The following MAGI3 variants were observed in gnomAD, a reference collection of about 807,000 sequenced individuals.
The protein encoded by MAGI3 is membrane-associated guanylate kinase, WW and PDZ domain-containing protein 3.
A neutral mutation model predicts 121.8 loss-of-function variants in MAGI3; 43 were observed. The ratio of observed to expected loss-of-function variants is 0.35; its 90% CI spans 0.28 to 0.46. The LOEUF (loss-of-function observed/expected upper bound fraction) is 0.46, where lower values mean the gene tolerates loss of function less well. MAGI3 is among the 20% of genes least tolerant of loss of function. MAGI3 has a pLI of 1.00. For synonymous variants in MAGI3, 553 were observed against 639.3 expected, an observed-to-expected ratio of 0.86 and a Z score of 2.04; for missense variants, 1,547 against 1,797.3, an observed-to-expected ratio of 0.86 and a Z score of 2.52.
At chr1:113,479,221 C>T (rs551860209) in intron 1 of MAGI3, among the ~76,000 whole-genome samples, 2 of 152,338 alleles carry the variant, frequency 1.3e-5, no homozygotes, top group African/African-American at 2.4e-5. Context: ...GGTGACGTCT[C>T]GCCCTCCTTT....
chr1:113,671,872 T>C (rs1362344920), intron 17 of MAGI3, 36 bp downstream of exon 17: 8 of 1,564,998 alleles, frequency 5.1e-6, no homozygotes, highest in Non-Finnish European at 7.0e-6. Context: ...TTTGTTTTTT[T>C]CTTATTCTCT....
Position 113,679,469 on chromosome 1 carries a change from G to C in MAGI3, c.3190-1729G>C, listed in dbSNP as rs148734260. On this transcript the variant is annotated intron_variant, in intron 19 of 20. Transcript: ENST00000307546. ...TTTTATGGCTGCATAGTATTCTATG[G>C]TGTGTATATACCACATTTTCTTTAT... Among the ~76,000 whole-genome samples, 258 of 152,242 alleles carry C rather than the reference G, an allele frequency of 1.7e-3. 4 individuals carry two copies. Among genetic ancestry groups the C allele is most frequent in the African/African-American group, 5.8e-3 (241 of 41,510 alleles).
At chr1:113,416,132 CAT>C (rs1290432249) in intron 1 of MAGI3, among the ~76,000 whole-genome samples, 2 of 139,356 alleles carry the variant, frequency 1.4e-5, no homozygotes, top group Non-Finnish European at 3.1e-5. Flanking sequence ...ATTAATGACA[CAT>C]ATTAATTATG....
chr1:113,641,941 G>C lies in MAGI3; in HGVS notation c.1391G>C (p.Cys464Ser), dbSNP rs1436076036. ...GTTATTGTAGACATCAATGGCAACT[G>C]TGTCCTCGGTCACACTCATGCAGAT... is the stretch of plus-strand genomic sequence containing the variant. ...GDVIVDINGN[C>S]VLGHTHADVV... Residue 464 changes from cysteine to serine, a missense_variant, in exon 10 of 21, where the codon TGT becomes TCT. Coordinates refer to ENST00000307546, the MANE Select transcript of MAGI3 (RefSeq NM_001142782.2). The C allele has an allele frequency of 1.3e-6, 2 of 1,593,492 alleles. No homozygotes were observed. The highest frequency in any genetic ancestry group is 8.6e-7 in the Non-Finnish European group (1 of 1,163,094).
At chr1:113,411,921 A>G (rs1652014724) in intron 1 of MAGI3, among the ~76,000 whole-genome samples, 1 of 152,070 alleles carries the variant, frequency 6.6e-6, no homozygotes, top group African/African-American at 2.4e-5. Flanking sequence ...CATGTGCACA[A>G]TGTGCAGGTT....
Position 113,391,286 on chromosome 1 carries a change from C to G in MAGI3, c.253C>G (p.Arg85Gly). 1 of 1,593,250 alleles carries G rather than the reference C, an allele frequency of 6.3e-7. No individual in the cohort carries two copies. The highest frequency in any genetic ancestry group is 1.1e-5 in the South Asian group (1 of 87,868). ...GACGCCTGTCAGCGGGCTCACCAACCGGGACACCCTGGCTGTCATCCGCCA... is the reference window on the plus strand; with the variant it reads ...GACGCCTGTCAGCGGGCTCACCAACGGGGACACCCTGGCTGTCATCCGCCA... ...NGTPVSGLTNRDTLAVIRHFR... is the reference protein window; with the variant it reads ...NGTPVSGLTNGDTLAVIRHFR... Residue 85 changes from arginine (R) to glycine (G), a missense_variant, in exon 1 of 21, where the codon CGG becomes GGG. Physicochemically the swap from Arg to Gly is moderately radical, Grantham distance 125. Transcript: ENST00000307546. The surrounding 1 kb of genome is among the most constrained non-coding windows in gnomAD (Gnocchi z 4.4).
chr1:113,482,597 A>G (rs1243895868), intron 1 of MAGI3, among the ~76,000 whole-genome samples: 1 of 150,132 alleles, frequency 6.7e-6, no homozygotes, highest in Non-Finnish European at 1.5e-5. Flanking sequence ...TCAGCCTTCC[A>G]AAGTGCTGGG....
intron 1 of MAGI3, among the ~76,000 whole-genome samples, chr1:113,535,507 G>A (rs1331885699): frequency 6.6e-6 from 1 of 151,864 alleles, no homozygotes; most frequent in Admixed American, 6.6e-5. Context: ...TAAATCAGTA[G>A]TTGAAGACAC....
At chr1:113,598,574 A>G (rs1649167169) in intron 6 of MAGI3, among the ~76,000 whole-genome samples, 1 of 152,194 alleles carries the variant, frequency 6.6e-6, no homozygotes, top group East Asian at 1.9e-4. Context: ...CAACAGTTAA[A>G]AAAAAAGACA....
intron 1 of MAGI3, among the ~76,000 whole-genome samples, chr1:113,493,949 G>A (rs1200030840): frequency 6.6e-6 from 1 of 152,154 alleles, no homozygotes; most frequent in Non-Finnish European, 1.5e-5. Flanking sequence ...CAACCATTGT[G>A]GGAGACGATG....
At chr1:113,585,654 T>C in intron 4 of MAGI3, 58 bp downstream of exon 4, 3 of 1,467,502 alleles carry the variant, frequency 2.0e-6, no homozygotes, top group Non-Finnish European at 2.8e-6. Flanking sequence ...TACTATTACG[T>C]TGAATTAAAA....
intron 6 of MAGI3, among the ~76,000 whole-genome samples, chr1:113,607,708 G>A (rs1570935307): frequency 6.6e-6 from 1 of 151,924 alleles, no homozygotes; most frequent in South Asian, 2.1e-4. Flanking sequence ...TACTAAAAAG[G>A]CTACATGATC....
At chr1:113,671,540 C>T (rs374190263) in intron 16 of MAGI3, among the ~76,000 whole-genome samples, 194 bp from the exon 17 acceptor site, 4 of 152,096 alleles carry the variant, frequency 2.6e-5, no homozygotes, top group African/African-American at 7.2e-5. Context: ...GAGACATAAA[C>T]GTTAATCAAA....
intron 1 of MAGI3, among the ~76,000 whole-genome samples, chr1:113,410,291 G>A (rs1651907162): frequency 6.6e-6 from 1 of 151,956 alleles, no homozygotes; most frequent in South Asian, 2.1e-4. Context: ...CTAGAGCCTG[G>A]ATTTTGGTTC....
At chr1:113,660,808 T>G (rs955478853) in intron 16 of MAGI3, among the ~76,000 whole-genome samples, 1 of 148,866 alleles carries the variant, frequency 6.7e-6, no homozygotes, top group African/African-American at 2.5e-5. Flanking sequence ...CTCACTGTGT[T>G]GCGTAGTCTG....
At chr1:113,645,268 C>T (rs1404853595) in intron 11 of MAGI3, among the ~76,000 whole-genome samples, 2 of 152,142 alleles carry the variant, frequency 1.3e-5, no homozygotes, top group African/African-American at 4.8e-5. Flanking sequence ...AGGTGATCTG[C>T]CCACCTCGGC....
At chr1:113,626,532 G>A (rs1410230497) in intron 9 of MAGI3, among the ~76,000 whole-genome samples, 1 of 152,106 alleles carries the variant, frequency 6.6e-6, no homozygotes, top group Non-Finnish European at 1.5e-5. Context: ...AGTAGGAATT[G>A]TATTACTCCT....
chr1:113,647,987 A>G (rs889309522), intron 12 of MAGI3, among the ~76,000 whole-genome samples: 2 of 151,326 alleles, frequency 1.3e-5, no homozygotes, highest in Non-Finnish European at 2.9e-5. Flanking sequence ...CAGTGGCACA[A>G]TCTCAGCTCA....
At chr1:113,529,677 T>C (rs1001394278) in intron 1 of MAGI3, among the ~76,000 whole-genome samples, 3 of 152,182 alleles carry the variant, frequency 2.0e-5, no homozygotes, top group Non-Finnish European at 2.9e-5. Flanking sequence ...CCTAGTATAT[T>C]TGATGCCTAA....
Sources: allele counts gnomAD v4.1 joint callset (sites outside exome capture counted in the v4.1 genomes callset), GRCh38; gene constraint gnomAD v4.1.1; non-coding constraint Gnocchi (gnomAD v3.1); transcripts MANE v1.5; gene names NCBI Gene and HGNC (gene_info 2026-07-23, HGNC 2026-07-21).